Variants in TUBGCP6 observed in about 807,000 individuals in gnomAD.
TUBGCP6 encodes gamma-tubulin complex component 6.
TUBGCP6 carries 161 observed loss-of-function variants against 175.8 expected under a neutral mutation model. The observed-to-expected ratio is 0.92, with a 90% CI of 0.81 to 1.04. The LOEUF is 1.04. Ranked by LOEUF, TUBGCP6 falls within the 50% of genes least tolerant of loss-of-function variation. The probability of loss-of-function intolerance (pLI) is 0.00; values close to 1 mark genes in which losing one functional copy is unlikely to be tolerated. For missense variants in TUBGCP6, 2,572 were observed against 2,433.0 expected, an observed-to-expected ratio of 1.06 and a Z score of -1.20; for synonymous variants, 1,173 against 1,030.5, an observed-to-expected ratio of 1.14 and a Z score of -2.65.
At chr22:50,231,584 G>A (rs1332740704) in intron 3 of TUBGCP6, among the ~76,000 whole-genome samples, 1 of 152,146 alleles carries the variant, frequency 6.6e-6, no homozygotes, top group Non-Finnish European at 1.5e-5. Flanking sequence ...CTAGGGCCAG[G>A]CACGATGGCT....
At position 50,226,079 on chromosome 22, in the gene TUBGCP6, T is replaced by C; in HGVS notation, c.1804A>G (p.Ile602Val). The C allele has an allele frequency of 1.2e-6, 2 of 1,614,166 alleles. No individual in the cohort carries two copies. Among genetic ancestry groups the C allele is most frequent in the Non-Finnish European group, 1.7e-6 (2 of 1,180,040 alleles). Residue 602 changes from isoleucine (I) to valine (V), a missense_variant, in exon 9 of 25, where the codon ATT (isoleucine) becomes GTT (valine). Coordinates refer to ENST00000248846, the MANE Select transcript of TUBGCP6 (RefSeq NM_020461.4). ...GGGCAGCAGAGCTTCAGCAGGTTAA[T>C]GGTCTTTCCGCAGACGTATATGTCG... is the stretch of plus-strand genomic sequence containing the variant. ...AHDIYVCGKT[I>V]NLLKLCCPRH... is the part of the protein sequence containing the mutation.
rs112891455 is a variant in TUBGCP6 at position 50,236,264 on chromosome 22, T to C, written c.906-2738A>G. On this transcript the variant is annotated intron_variant, in intron 2 of 24. Transcript: ENST00000248846. ...CATTCTCCTGCCTCAGCCTCCCGAGTAGCTGGGACTACAGGCACGGGCCAC... is the reference window on the plus strand; with the variant it reads ...CATTCTCCTGCCTCAGCCTCCCGAGCAGCTGGGACTACAGGCACGGGCCAC... Among the ~76,000 whole-genome samples the C allele has an allele frequency of 8.9e-3, 1,348 of 151,914 alleles. 16 individuals are homozygous for C. The highest frequency in any genetic ancestry group is 0.031 in the African/African-American group (1,295 of 41,422).
chr22:50,241,641 G>A (rs2064839721), intron 1 of TUBGCP6, among the ~76,000 whole-genome samples: 1 of 152,180 alleles, frequency 6.6e-6, no homozygotes, highest in Non-Finnish European at 1.5e-5. Context: ...CTGAAATGCA[G>A]AAATAATGGT....
At chr22:50,242,966 C>A (rs901411378) in intron 1 of TUBGCP6, among the ~76,000 whole-genome samples, 4 of 152,302 alleles carry the variant, frequency 2.6e-5, no homozygotes, top group South Asian at 2.1e-4. Context: ...ACTCCAGCAG[C>A]CCCACCTCAG....
rs367971843 is a variant in TUBGCP6, at chr22:50,218,459, C to T, written c.4954+29G>A. 114 of 1,612,876 alleles carry T rather than the reference C, an allele frequency of 7.1e-5. No individual in the cohort carries two copies. The African/African-American group carries it at 9.9e-4, about 14-fold the overall frequency. Reference sequence around the variant, plus strand: ...TGAGCGCAGCCTCCAGCCAGGGGTGCGGGGCGCCGGGCTCCAGCGGGGCCT... The same window carrying T: ...TGAGCGCAGCCTCCAGCCAGGGGTGTGGGGCGCCGGGCTCCAGCGGGGCCT... On this transcript the variant is annotated intron_variant, in intron 22 of 24. Coordinates refer to ENST00000248846, the MANE Select transcript of TUBGCP6 (RefSeq NM_020461.4).
intron 2 of TUBGCP6, among the ~76,000 whole-genome samples, chr22:50,234,370 C>G (rs1208508530): frequency 1.2e-5 from 1 of 80,620 alleles, no homozygotes; most frequent in Non-Finnish European, 2.5e-5. Context: ...AGCATCCACA[C>G]CCAGGTCCAC....
chr22:50,244,353 C>A lies in TUBGCP6; in HGVS notation c.107G>T (p.Ser36Ile). ...AGCATTGTAGGCCACCTTCTTGAGG[C>A]TCCGCTTTGCCCTCTTCCGGTTCAC... ...RSVNRKRAKRSLKKVAYNALF... is the reference protein window; with the variant it reads ...RSVNRKRAKRILKKVAYNALF... Residue 36 changes from serine to isoleucine, a missense_variant, in exon 1 of 25, where the codon AGC becomes ATC. Coordinates refer to ENST00000248846, the MANE Select transcript of TUBGCP6 (RefSeq NM_020461.4). The A allele has an allele frequency of 6.2e-7, 1 of 1,613,502 alleles. No individual in the cohort carries two copies. The highest frequency in any genetic ancestry group is 8.5e-7 in the Non-Finnish European group (1 of 1,180,046).
intron 5 of TUBGCP6, among the ~76,000 whole-genome samples, 187 bp from the exon 6 acceptor site, chr22:50,227,264 C>A (rs948496915): frequency 1.1e-4 from 17 of 152,244 alleles, no homozygotes; most frequent in Admixed American, 9.2e-4. Context: ...GTGTGCAGCC[C>A]TGTGCCCCTG....
In TUBGCP6 at chr22:50,243,728, C is replaced by A; in HGVS notation, c.732G>T (p.Leu244=). The part of the protein sequence containing the change: ...PVPDNADLSG[L]AIKVPPSVDQ... The stretch of plus-strand genomic sequence containing the variant: ...AAACTAAACATTCTACCTTAATAGC[C>A]AGCCCAGAGAGGTCCGCATTGTCTG... The change falls in exon 1 of 25, where the codon CTG becomes CTT. Residue 244 remains leucine (L), a synonymous_variant. Transcript: ENST00000248846. The A allele has an allele frequency of 6.2e-7, 1 of 1,608,702 alleles. No individual in the cohort carries two copies. Among genetic ancestry groups the A allele is most frequent in the Non-Finnish European group, 8.5e-7 (1 of 1,176,420 alleles).
chr22:50,222,373 G>A (rs1457410539), intron 14 of TUBGCP6, 81 bp downstream of exon 14: 4 of 1,576,934 alleles, frequency 2.5e-6, no homozygotes, highest in Non-Finnish European at 3.5e-6. Context: ...AGAAGAGCAT[G>A]TAGGTTTGTG....
chr22:50,240,359 C>T lies in TUBGCP6; in HGVS notation c.750G>A (p.Pro250=), dbSNP rs574864438. ...DLSGLAIKVP[P]SVDQWEDEGF... ...CTTCGTCTTCCCACTGATCCACACT[C>T]GGTGGGACCTGGAGACACAGGGAAG... is the stretch of plus-strand genomic sequence containing the variant. The change falls in exon 2 of 25, where the codon CCG becomes CCA. Residue 250 remains proline, a synonymous_variant. Coordinates refer to ENST00000248846, the MANE Select transcript of TUBGCP6 (RefSeq NM_020461.4). 129 of 1,613,868 alleles carry T rather than the reference C, an allele frequency of 8.0e-5. No individual in the cohort carries two copies. Among genetic ancestry groups the T allele is most frequent in the Middle Eastern group, 3.3e-4 (2 of 6,084 alleles).
chr22:50,228,775 C>T (rs2147193121), intron 4 of TUBGCP6, among the ~76,000 whole-genome samples: 1 of 152,272 alleles, frequency 6.6e-6, no homozygotes, highest in Admixed American at 6.5e-5. Context: ...CATCACCCCA[C>T]CCGACAGCCC....
At chr22:50,234,349 C>CACGGCAGCA (rs2064736160) in intron 2 of TUBGCP6, among the ~76,000 whole-genome samples, 1 of 6,812 alleles carries the variant, frequency 1.5e-4, no homozygotes. Flanking sequence ...ATCCACACCC[C>CACGGCAGCA]TGTCCACAGC....
At chr22:50,239,981 TA>T (rs2064820155) in intron 2 of TUBGCP6, among the ~76,000 whole-genome samples, 2 of 152,164 alleles carry the variant, frequency 1.3e-5, no homozygotes. Flanking sequence ...GTGATCTGGT[TA>T]CTGGATGGGG....
At position 50,226,816 on chromosome 22, in the gene TUBGCP6, G is replaced by A; in HGVS notation, c.1518C>T (p.Tyr506=). 1 of 1,587,064 alleles carries A rather than the reference G, an allele frequency of 6.3e-7. No individual in the cohort carries two copies. Among genetic ancestry groups the A allele is most frequent in the Non-Finnish European group, 8.6e-7 (1 of 1,167,316 alleles). Residue 506 remains tyrosine (Y), a synonymous_variant, in exon 7 of 25, where the codon TAC becomes TAT. Transcript: ENST00000248846. ...TGCTGCAGTTGTGCAGAGCCTCCTG[G>A]TAGAGGTAGGACAGCAGCTTCACGC... ...PTGVKLLSYL[Y]QEALHNCSNE...
rs760024638 is a variant in TUBGCP6, at chr22:50,220,465, A to AG, written c.3893dup (p.Gly1299TrpfsTer69). On this transcript the variant is annotated frameshift_variant, in exon 16 of 25. Transcript: ENST00000248846. LOFTEE classifies it high-confidence loss of function. ...TGAGCGCTGACTGGGACGTGTGGCCAGGGGGGCTCTGTTGGGGCCTGGGTG... is the reference window on the plus strand; with the variant it reads ...TGAGCGCTGACTGGGACGTGTGGCCAGGGGGGGCTCTGTTGGGGCCTGGGTG... 14 of 1,612,920 alleles carry AG rather than the reference A, an allele frequency of 8.7e-6. No homozygotes were observed. The highest frequency in any genetic ancestry group is 2.7e-5 in the African/African-American group (2 of 74,932).
At chr22:50,220,074 A>G in intron 16 of TUBGCP6, 59 bp from the exon 17 acceptor site, 1 of 1,574,618 alleles carries the variant, frequency 6.4e-7, no homozygotes, top group Non-Finnish European at 8.6e-7. Flanking sequence ...GCGGGTACAG[A>G]GCCGAGCCGG....
At position 50,229,430 on chromosome 22, in the gene TUBGCP6, A is replaced by G. The variant is rs6010211; in HGVS notation, c.1264T>C (p.Leu422=). The change falls in exon 4 of 25, where the codon TTG becomes CTG. Residue 422 remains leucine, a synonymous_variant. Coordinates refer to ENST00000248846, the MANE Select transcript of TUBGCP6 (RefSeq NM_020461.4). ...TGGAACACGAGGCCCTTGCTGTACA[A>G]AGAGTCCAGGACGGGCTGCAGAGAG... The part of the protein sequence containing the change: ...HFSLQPVLDS[L]YSKGLVFQAF... The G allele has an allele frequency of 9.9e-3, 15,955 of 1,613,596 alleles. 1,398 individuals are homozygous for G. The African/African-American group carries it at 0.19, about 19-fold the overall frequency.
At chr22:50,234,648 C>G (rs1212235641) in intron 2 of TUBGCP6, among the ~76,000 whole-genome samples, 1 of 142,642 alleles carries the variant, frequency 7.0e-6, no homozygotes, top group Admixed American at 7.0e-5. Context: ...CTGTGCACGG[C>G]AGCATCACCC....
Sources: gnomAD v4.1 joint callset for allele counts (sites outside exome capture counted in the v4.1 genomes callset) on GRCh38, gnomAD v4.1.1 for gene constraint, MANE v1.5 for transcripts, NCBI Gene and HGNC (gene_info 2026-07-23, HGNC 2026-07-21) for gene names.